Variants in PCDH15 observed in about 807,000 individuals in gnomAD.
The protein encoded by PCDH15 is protocadherin-15.
In PCDH15, 129 loss-of-function variants were observed where a neutral mutation model predicts 178.5. The observed-to-expected ratio is 0.72, with a 90% CI of 0.63 to 0.84. The LOEUF is 0.84. Ranked by LOEUF, PCDH15 falls within the 40% of genes least tolerant of loss-of-function variation. The pLI is 0.00. For missense variants in PCDH15, 2,230 were observed against 2,099.9 expected (o/e 1.06, Z -1.21); for synonymous variants, 800 against 732.0 (o/e 1.09, Z -1.50).
chr10:54,505,411 T>C (rs1489312743), intron 3 of PCDH15, among the ~76,000 whole-genome samples: 1 of 152,166 alleles, frequency 6.6e-6, no homozygotes, highest in Non-Finnish European at 1.5e-5. Flanking sequence ...AATATTTACA[T>C]ATTATCTGTA....
intron 2 of PCDH15, among the ~76,000 whole-genome samples, chr10:55,519,435 G>A (rs1471509357): frequency 6.6e-6 from 1 of 152,032 alleles, no homozygotes; most frequent in African/African-American, 2.4e-5. Context: ...ACGGAAGTAA[G>A]TGTGGTTATA....
chr10:53,938,320 A>G (rs1022007424), intron 25 of PCDH15, among the ~76,000 whole-genome samples: 3 of 152,170 alleles, frequency 2.0e-5, no homozygotes, highest in African/African-American at 7.2e-5. Flanking sequence ...CATTTCATAG[A>G]TTAAAAGTGT....
At chr10:53,822,766 T>TCAA (rs1267954407) in intron 32 of PCDH15, 2 of 1,613,878 alleles carry the variant, frequency 1.2e-6, no homozygotes, top group African/African-American at 2.7e-5. Flanking sequence ...GAGAGAGATT[T>TCAA]CAACTGTTCT....
intron 18 of PCDH15, among the ~76,000 whole-genome samples, chr10:54,050,687 T>C (rs1334704488): frequency 6.6e-6 from 1 of 152,166 alleles, no homozygotes; most frequent in African/African-American, 2.4e-5. Context: ...GTTATTTCTA[T>C]ATTTTTGATG....
At chr10:55,252,755 G>A (rs10509031) in intron 1 of PCDH15, among the ~76,000 whole-genome samples, 18,814 of 151,960 alleles carry the variant, frequency 0.12, 1,346 homozygotes, top group East Asian at 0.35. Context: ...CTCAGAAAAG[G>A]TAAAAGTCAT....
intron 1 of PCDH15, among the ~76,000 whole-genome samples, chr10:54,784,838 C>T (rs1950695612): frequency 6.6e-6 from 1 of 151,994 alleles, no homozygotes; most frequent in Non-Finnish European, 1.5e-5. Flanking sequence ...TGGTTTTGGT[C>T]TTGAATAATC....
At chr10:54,286,730 A>G (rs2059051890) in intron 8 of PCDH15, among the ~76,000 whole-genome samples, 1 of 152,134 alleles carries the variant, frequency 6.6e-6, no homozygotes, top group African/African-American at 2.4e-5. Flanking sequence ...AGTTCAAGCA[A>G]TTCTTCCTGC....
chr10:54,299,003 G>A (rs961675382), intron 8 of PCDH15, among the ~76,000 whole-genome samples: 1 of 152,218 alleles, frequency 6.6e-6, no homozygotes, highest in Admixed American at 6.5e-5. Flanking sequence ...ATACCACAAG[G>A]AAATCATGCA....
At chr10:54,852,171 A>C (rs1309495521) in intron 3 of PCDH15, among the ~76,000 whole-genome samples, 2 of 152,190 alleles carry the variant, frequency 1.3e-5, no homozygotes, top group African/African-American at 2.4e-5. Flanking sequence ...TCACAAAATT[A>C]TTTTTGGTAT....
At chr10:54,433,143 C>T (rs1323464103) in intron 3 of PCDH15, among the ~76,000 whole-genome samples, 2 of 152,118 alleles carry the variant, frequency 1.3e-5, no homozygotes, top group Non-Finnish European at 2.9e-5. Context: ...AGTACAACTA[C>T]TATGGAGAGC....
At chr10:54,157,514 G>A (rs1378808988) in intron 13 of PCDH15, among the ~76,000 whole-genome samples, 2 of 152,168 alleles carry the variant, frequency 1.3e-5, no homozygotes, top group African/African-American at 4.8e-5. Context: ...CCCTGGGCCT[G>A]CCCATGAAAC....
chr10:54,260,641 C>A (rs1044359979), intron 8 of PCDH15, among the ~76,000 whole-genome samples: 2 of 151,896 alleles, frequency 1.3e-5, no homozygotes, highest in African/African-American at 4.8e-5. Flanking sequence ...AGTGCAGTGG[C>A]GCGATCTCGG....
intron 26 of PCDH15, among the ~76,000 whole-genome samples, chr10:53,882,528 A>C (rs2080801150): frequency 6.6e-6 from 1 of 152,064 alleles, no homozygotes; most frequent in Non-Finnish European, 1.5e-5. Context: ...CGCATGGCTA[A>C]TTTTTGTATT....
intron 2 of PCDH15, among the ~76,000 whole-genome samples, chr10:55,473,593 C>A (rs910842244): frequency 6.6e-6 from 1 of 152,104 alleles, no homozygotes; most frequent in African/African-American, 2.4e-5. Flanking sequence ...CGACAGTATT[C>A]ACATAGAACA....
At chr10:55,529,792 A>C (rs1439287857) in intron 2 of PCDH15, among the ~76,000 whole-genome samples, 4 of 109,382 alleles carry the variant, frequency 3.7e-5, no homozygotes, top group Non-Finnish European at 7.7e-5. Context: ...ATTACCACAA[A>C]TACATATATG....
chr10:55,063,095 T>C (rs988389814), intron 2 of PCDH15, among the ~76,000 whole-genome samples: 6 of 152,126 alleles, frequency 3.9e-5, no homozygotes, highest in Non-Finnish European at 5.9e-5. Flanking sequence ...GAACATTTGG[T>C]AAATTGTCCA....
At chr10:54,699,573 C>CTGAA in intron 1 of PCDH15, among the ~76,000 whole-genome samples, 1 of 152,074 alleles carries the variant, frequency 6.6e-6, no homozygotes, top group South Asian at 2.1e-4. Flanking sequence ...CAGTGTTTCT[C>CTGAA]TGAATACTTT....
At chr10:53,851,240 T>G (rs1053524329) in intron 28 of PCDH15, among the ~76,000 whole-genome samples, 1 of 152,012 alleles carries the variant, frequency 6.6e-6, no homozygotes, top group Admixed American at 6.6e-5. Context: ...TCCAAAATTT[T>G]CTACTTGATA....
intron 1 of PCDH15, among the ~76,000 whole-genome samples, chr10:55,194,251 G>A (rs926169707): frequency 6.6e-6 from 1 of 151,874 alleles, no homozygotes; most frequent in Non-Finnish European, 1.5e-5. Flanking sequence ...TTTCCCCTTG[G>A]TGTAAATAAC....
Sources: allele counts gnomAD v4.1 joint callset (sites outside exome capture counted in the v4.1 genomes callset), GRCh38; gene constraint gnomAD v4.1.1; transcripts MANE v1.5; gene names NCBI Gene and HGNC (gene_info 2026-07-23, HGNC 2026-07-21).